VPS13B: variants seen among roughly 807,000 people sequenced by gnomAD.
VPS13B encodes intermembrane lipid transfer protein VPS13B.
VPS13B carries 285 observed loss-of-function variants against 426.4 expected under a neutral mutation model. The ratio of observed to expected loss-of-function variants is 0.67; its 90% confidence interval spans 0.61 to 0.74. The LOEUF (loss-of-function observed/expected upper bound fraction) is 0.74, where lower values mean the gene tolerates loss of function less well. Among genes scored for constraint, VPS13B ranks in the 30% least tolerant of loss-of-function variants. The pLI is 0.00. For synonymous variants in VPS13B, 1,676 were observed against 1,676.4 expected, an observed-to-expected ratio of 1.00 and a Z score of 0.01; for missense variants, 4,537 against 4,782.6, an observed-to-expected ratio of 0.95 and a Z score of 1.51.
At chr8:99,269,000 C>T (rs1242685645) in intron 17 of VPS13B, among the ~76,000 whole-genome samples, 2 of 152,046 alleles carry the variant, frequency 1.3e-5, no homozygotes, top group Non-Finnish European at 2.9e-5. Context: ...GGCTTTTCCC[C>T]CTTTGCTTGG....
intron 27 of VPS13B, among the ~76,000 whole-genome samples, chr8:99,504,426 A>G (rs1245070677): frequency 6.6e-6 from 1 of 152,234 alleles, no homozygotes; most frequent in Non-Finnish European, 1.5e-5. Context: ...TTCTTAAGTA[A>G]TAAGTCTTGA....
chr8:99,385,965 T>G (rs996517679), intron 20 of VPS13B, among the ~76,000 whole-genome samples: 2 of 152,144 alleles, frequency 1.3e-5, no homozygotes, highest in African/African-American at 2.4e-5. Context: ...GAATTTGTAG[T>G]CCTAGGTATT....
chr8:99,014,550 A>G (rs1031157796), intron 2 of VPS13B, among the ~76,000 whole-genome samples: 2 of 152,110 alleles, frequency 1.3e-5, no homozygotes, highest in African/African-American at 4.8e-5. Context: ...ATTTTCAAGC[A>G]TTATGAATGT....
chr8:99,843,548 C>T (rs1371478025), intron 54 of VPS13B, among the ~76,000 whole-genome samples: 2 of 152,206 alleles, frequency 1.3e-5, no homozygotes, highest in Non-Finnish European at 2.9e-5. Context: ...CCTTTCCCTG[C>T]TGTTTTATAG....
chr8:99,249,018 A>G (rs894593998), intron 17 of VPS13B, among the ~76,000 whole-genome samples: 1 of 152,122 alleles, frequency 6.6e-6, no homozygotes, highest in Admixed American at 6.5e-5. Context: ...AATACCCCAT[A>G]GCTTCTAAGT....
At chr8:99,083,730 G>A (rs1186315216) in intron 3 of VPS13B, among the ~76,000 whole-genome samples, 28 of 124,490 alleles carry the variant, frequency 2.2e-4, no homozygotes, top group African/African-American at 7.0e-4. Context: ...GGTTTTTGTC[G>A]TTGGTTCTGT....
chr8:99,373,023 A>G (rs558527565), intron 19 of VPS13B, among the ~76,000 whole-genome samples: 6 of 152,346 alleles, frequency 3.9e-5, no homozygotes, highest in Admixed American at 2.6e-4. Context: ...AGGGATATGA[A>G]TGAAGCTGGA....
intron 39 of VPS13B, among the ~76,000 whole-genome samples, chr8:99,722,724 G>T (rs923044787): frequency 6.6e-6 from 1 of 152,024 alleles, no homozygotes; most frequent in Non-Finnish European, 1.5e-5. Context: ...AGCCAGGATG[G>T]TCTGGATCTC....
At chr8:99,800,192 G>A (rs563234116) in intron 43 of VPS13B, among the ~76,000 whole-genome samples, 1 of 152,100 alleles carries the variant, frequency 6.6e-6, no homozygotes, top group African/African-American at 2.4e-5. Flanking sequence ...TTTATAGACA[G>A]TCCCTCCTCT....
chr8:99,615,536 T>C (rs1424695488), intron 33 of VPS13B, among the ~76,000 whole-genome samples: 3 of 152,234 alleles, frequency 2.0e-5, no homozygotes, highest in Non-Finnish European at 4.4e-5. Flanking sequence ...TCTGCTACCA[T>C]AGATTAATTT....
At chr8:99,413,351 T>C (rs1428177368) in intron 21 of VPS13B, among the ~76,000 whole-genome samples, 2 of 152,142 alleles carry the variant, frequency 1.3e-5, no homozygotes, top group African/African-American at 4.8e-5. Flanking sequence ...TGCATAGAGG[T>C]GTTTATAGTA....
intron 30 of VPS13B, among the ~76,000 whole-genome samples, chr8:99,524,248 A>T (rs1234553830): frequency 6.6e-6 from 1 of 152,180 alleles, no homozygotes; most frequent in African/African-American, 2.4e-5. Context: ...AATGGCCTGA[A>T]AAGGGCATAG....
At chr8:99,497,949 A>G (rs1821019693) in intron 25 of VPS13B, among the ~76,000 whole-genome samples, 1 of 152,158 alleles carries the variant, frequency 6.6e-6, no homozygotes, top group Non-Finnish European at 1.5e-5. Context: ...CATTTAAACT[A>G]TCATCTTATT....
chr8:99,550,007 G>C (rs1824194673), intron 30 of VPS13B, among the ~76,000 whole-genome samples: 1 of 151,992 alleles, frequency 6.6e-6, no homozygotes, highest in Non-Finnish European at 1.5e-5. Flanking sequence ...AGTATTAAGT[G>C]TTGTATAATT....
At chr8:99,447,232 A>C (rs1817966131) in intron 23 of VPS13B, among the ~76,000 whole-genome samples, 1 of 152,178 alleles carries the variant, frequency 6.6e-6, no homozygotes. Flanking sequence ...TGAGTTCAGA[A>C]CCATTTGAAA....
At chr8:99,199,741 A>G (rs951423606) in intron 17 of VPS13B, among the ~76,000 whole-genome samples, 1 of 152,126 alleles carries the variant, frequency 6.6e-6, no homozygotes, top group Admixed American at 6.5e-5. Flanking sequence ...TATGCTAATT[A>G]CAGTCTACTT....
intron 17 of VPS13B, chr8:99,233,622 T>C: frequency 8.5e-7 from 1 of 1,182,958 alleles, no homozygotes; most frequent in Non-Finnish European, 1.3e-6. Context: ...AGCTTCTTCA[T>C]AATCTCCATC....
chr8:99,102,897 ATAAT>A (rs1846835166), intron 4 of VPS13B, 52 bp from the exon 5 acceptor site: 1 of 1,452,814 alleles, frequency 6.9e-7, no homozygotes, highest in African/African-American at 1.4e-5. Flanking sequence ...ACTTTAAGAA[ATAAT>A]TATTTACTGA....
chr8:99,313,130 G>A (rs200723595), intron 19 of VPS13B, among the ~76,000 whole-genome samples: 9 of 152,040 alleles, frequency 5.9e-5, no homozygotes, highest in African/African-American at 1.9e-4. Context: ...TCTTTAGCTC[G>A]GAGAAGTTTG....
Sources: gnomAD v4.1 joint callset for allele counts (sites outside exome capture counted in the v4.1 genomes callset) on GRCh38, gnomAD v4.1.1 for gene constraint, MANE v1.5 for transcripts, NCBI Gene and HGNC (gene_info 2026-07-23, HGNC 2026-07-21) for gene names.